RBM15: variants seen among roughly 807,000 people sequenced by gnomAD.
RBM15 encodes RNA-binding protein 15.
RBM15 carries 8 observed loss-of-function variants against 62.6 expected under a neutral mutation model. The ratio of observed to expected loss-of-function variants is 0.13; its 90% CI spans 0.07 to 0.23. The LOEUF (loss-of-function observed/expected upper bound fraction) is 0.23. Ranked by LOEUF, RBM15 falls within the 10% of genes least tolerant of loss-of-function variation. The probability of loss-of-function intolerance (pLI) is 1.00; values close to 1 mark genes in which losing one functional copy is unlikely to be tolerated. For synonymous variants in RBM15, 606 were observed against 505.7 expected (o/e 1.20, Z -2.66); for missense variants, 1,144 against 1,286.5 (o/e 0.89, Z 1.69).
chr1:110,342,571 T>G lies in RBM15; in HGVS notation c.2863+303T>G, dbSNP rs74774847. 5 of 283,518 alleles carry G rather than the reference T, an allele frequency of 1.8e-5. No individual in the cohort carries two copies. In the East Asian group the frequency reaches 2.3e-4, roughly 13 times the overall value. 17.6% of individuals were successfully genotyped at this position (283,518 alleles called of 1,614,324 possible). A position where few individuals can be genotyped will look rare whatever the true frequency, so the allele number is the denominator to read the frequency against. On this transcript the variant is annotated intron_variant, in intron 1 of 2. Transcript: ENST00000369784. Reference sequence around the variant, plus strand: ...GTAATTTTTTTTCTCTATTCAGTTGTTTTTTTTTTAATCTTGAGCTTAAAA... The same window carrying G: ...GTAATTTTTTTTCTCTATTCAGTTGGTTTTTTTTTAATCTTGAGCTTAAAA...
In RBM15 at chr1:110,341,487, TCTC is replaced by T; in HGVS notation, c.2083_2085del (p.Leu696del). On this transcript the variant is annotated inframe_deletion, in exon 1 of 3. Coordinates refer to ENST00000369784, the MANE Select transcript of RBM15 (RefSeq NM_022768.5). This position sits in a 1 kb window ranked among gnomAD's most constrained non-coding sequence, Gnocchi z 4.5. ...GCGACAATGATCGATCTTCCCGTCTTCTCTTGGAAAGGCCCTCTCCAATCAGAG... is the reference window on the plus strand; with the variant it reads ...GCGACAATGATCGATCTTCCCGTCTTTTGGAAAGGCCCTCTCCAATCAGAG... 3 of 1,613,980 alleles carry T rather than the reference TCTC, an allele frequency of 1.9e-6. No individual in the cohort carries two copies. Among genetic ancestry groups the T allele is most frequent in the South Asian group, 1.1e-5 (1 of 91,070 alleles).
Position 110,339,946 on chromosome 1 carries a change from C to T in RBM15, c.541C>T (p.Leu181Phe). 6.2e-7 allele frequency: 1 copy of T among 1,614,110 alleles called. No individual in the cohort carries two copies. Among genetic ancestry groups the T allele is most frequent in the Non-Finnish European group, 8.5e-7 (1 of 1,179,968 alleles). Residue 181 changes from leucine (L) to phenylalanine (F), a missense_variant, in exon 1 of 3, where the codon CTT (leucine) becomes TTT (phenylalanine). By Grantham distance (22) the Leu-to-Phe change is conservative. Transcript: ENST00000369784. ...GAAGATAAGCGAGTTGGGGTCCCAGCTTAGTGACGAAGCGGTGGAGGACGG... is the reference window on the plus strand; with the variant it reads ...GAAGATAAGCGAGTTGGGGTCCCAGTTTAGTGACGAAGCGGTGGAGGACGG... Reference protein sequence around the residue: ...TLKISELGSQLSDEAVEDGLF... With the variant: ...TLKISELGSQFSDEAVEDGLF...
Position 110,345,117 on chromosome 1 carries a change from A to G in RBM15, c.2864-422A>G, listed in dbSNP as rs376439937. On this transcript the variant is annotated intron_variant, in intron 1 of 2. Transcript: ENST00000369784. ...AGTGGATAGAGTTTTTCTTTTGAGG[A>G]TTACATCTTAAAATGTCCATCGCCT... Among the ~76,000 whole-genome samples, 14 of 152,176 alleles carry G rather than the reference A, an allele frequency of 9.2e-5. No individual in the cohort carries two copies. The East Asian group carries it at 2.7e-3, about 29-fold the overall frequency.
At chr1:110,345,476 CT>C in intron 1 of RBM15, 62 bp from the exon 2 acceptor site, 1 of 1,174,488 alleles carries the variant, frequency 8.5e-7, no homozygotes, top group Non-Finnish European at 1.3e-6. Context: ...CCTTAATGAC[CT>C]TTTATGTGAA....
rs769504889 is a variant in RBM15, at chr1:110,339,537, A to G, written c.132A>G (p.Thr44=). The part of the protein sequence containing the change: ...LRGDDLRRPA[T]MKGKERSPVK... ...GAGACGACCTCCGACGACCCGCAAC[A>G]ATGAAGGGAAAAGAGCGCTCGCCAG... is the stretch of plus-strand genomic sequence containing the variant. The change falls in exon 1 of 3, where the codon ACA becomes ACG. Residue 44 remains threonine, a synonymous_variant. Coordinates refer to ENST00000369784, the MANE Select transcript of RBM15 (RefSeq NM_022768.5). 1.2e-6 allele frequency: 2 copies of G among 1,603,842 alleles called. No homozygotes were observed. Among genetic ancestry groups the G allele is most frequent in the South Asian group, 1.1e-5 (1 of 90,650 alleles).
At position 110,339,671 on chromosome 1, in the gene RBM15, A is replaced by C; in HGVS notation, c.266A>C (p.Asp89Ala). The part of the protein sequence containing the change: ...GSNGSSSGKT[D>A]SGGGSRRSLH... ...AATGGGAGCAGCAGCGGAAAGACCGATAGCGGCGGTGGGTCGCGGCGGAGT... is the reference window on the plus strand; with the variant it reads ...AATGGGAGCAGCAGCGGAAAGACCGCTAGCGGCGGTGGGTCGCGGCGGAGT... Residue 89 changes from aspartate to alanine, a missense_variant, in exon 1 of 3, where the codon GAT becomes GCT. Asp to Ala is a moderately radical substitution (Grantham distance 126). Transcript: ENST00000369784. 1 of 1,613,118 alleles carries C rather than the reference A, an allele frequency of 6.2e-7. No individual in the cohort carries two copies. The highest frequency in any genetic ancestry group is 1.1e-5 in the South Asian group (1 of 91,076).
Position 110,341,482 on chromosome 1 carries a change from C to G in RBM15, c.2077C>G (p.Arg693Gly). 6.2e-7 allele frequency: 1 copy of G among 1,614,088 alleles called. No individual in the cohort carries two copies. ...RYNSDNDRSS[R>G]LLLERPSPIR... Reference sequence around the variant, plus strand: ...CAACAGCGACAATGATCGATCTTCCCGTCTTCTCTTGGAAAGGCCCTCTCC... The same window carrying G: ...CAACAGCGACAATGATCGATCTTCCGGTCTTCTCTTGGAAAGGCCCTCTCC... The change falls in exon 1 of 3, where the codon CGT becomes GGT. Residue 693 changes from arginine (R) to glycine (G), a missense_variant. Coordinates refer to ENST00000369784, the MANE Select transcript of RBM15 (RefSeq NM_022768.5). This position sits in a 1 kb window ranked among gnomAD's most constrained non-coding sequence, Gnocchi z 4.5.
In RBM15 at chr1:110,346,619, G is replaced by T; in HGVS notation, c.*352G>T. 1 of 457,584 alleles carries T rather than the reference G, an allele frequency of 2.2e-6. No homozygotes were observed. The highest frequency in any genetic ancestry group is 3.9e-6 in the Non-Finnish European group (1 of 258,734). The allele number at this position is 457,584 out of a possible 1,614,324, so 28.3% of individuals were successfully genotyped here. On this transcript the variant is annotated 3_prime_UTR_variant, in exon 3 of 3. Coordinates refer to ENST00000369784, the MANE Select transcript of RBM15 (RefSeq NM_022768.5). Reference sequence around the variant, plus strand: ...TTAAGAGTAGCTGTCTCTCAAACGTGCGCTCACAGTTGAGCTGCTTTTGTT... The same window carrying T: ...TTAAGAGTAGCTGTCTCTCAAACGTTCGCTCACAGTTGAGCTGCTTTTGTT...
intron 2 of RBM15, among the ~76,000 whole-genome samples, 176 bp from the exon 3 acceptor site, chr1:110,346,132 A>G (rs2100943431): frequency 6.6e-6 from 1 of 152,270 alleles, no homozygotes; most frequent in Admixed American, 6.5e-5. Context: ...CATACAGTAA[A>G]TTCATTTCAA....
At chr1:110,344,866 T>C (rs1374350649) in intron 1 of RBM15, among the ~76,000 whole-genome samples, 2 of 152,186 alleles carry the variant, frequency 1.3e-5, no homozygotes, top group African/African-American at 4.8e-5. Flanking sequence ...TTAAAATGAA[T>C]GGAAAGAAAA....
chr1:110,346,598 GAGT>G lies in RBM15; in HGVS notation c.*334_*336del. ...CCTTTTTATGGCTCACACAGCTTAAGAGTAGCTGTCTCTCAAACGTGCGCTCAC... is the reference window on the plus strand; with the variant it reads ...CCTTTTTATGGCTCACACAGCTTAAGAGCTGTCTCTCAAACGTGCGCTCAC... On this transcript the variant is annotated 3_prime_UTR_variant, in exon 3 of 3. Coordinates refer to ENST00000369784, the MANE Select transcript of RBM15 (RefSeq NM_022768.5). The G allele has an allele frequency of 4.1e-6, 2 of 488,414 alleles. No homozygotes were observed. The highest frequency in any genetic ancestry group is 3.7e-5 in the Admixed American group (1 of 27,058). The allele number at this position is 488,414 out of a possible 1,614,324, so 30.3% of individuals were successfully genotyped here.
Position 110,339,748 on chromosome 1 carries a change from G to A in RBM15, c.343G>A (p.Gly115Ser), listed in dbSNP as rs1476184794. ...AGGTGGCAGCCGCGAGTATGATACC[G>A]GTGGGGGCAGCTCCAGTAGCCGCTT... ...SRGGSREYDT[G>S]GGSSSSRLHS... is the part of the protein sequence containing the mutation. Residue 115 changes from glycine (G) to serine (S), a missense_variant, in exon 1 of 3, where the codon GGT becomes AGT. Physicochemically the swap from Gly to Ser is moderately conservative, Grantham distance 56. Around this residue, in one of 8 missense-constraint regions of RBM15, gnomAD observed 298 missense variants for 250.0 expected, o/e 1.19. Coordinates refer to ENST00000369784, the MANE Select transcript of RBM15 (RefSeq NM_022768.5). The A allele has an allele frequency of 6.2e-7, 1 of 1,612,058 alleles. No individual in the cohort carries two copies. Among genetic ancestry groups the A allele is most frequent in the African/African-American group, 1.3e-5 (1 of 74,912 alleles).
Position 110,341,436 on chromosome 1 carries a change from G to A in RBM15, c.2031G>A (p.Leu677=). ...CTTCTCCTGACCGCAGTCCAGAATT[G>A]AGCAGTAGCCGGGATCGTTACAACA... ...CAPSPDRSPE[L]SSSRDRYNSD... The change falls in exon 1 of 3, where the codon TTG becomes TTA. Residue 677 remains leucine (L), a synonymous_variant. Coordinates refer to ENST00000369784, the MANE Select transcript of RBM15 (RefSeq NM_022768.5). This position sits in a 1 kb window ranked among gnomAD's most constrained non-coding sequence, Gnocchi z 4.5. 1.2e-6 allele frequency: 2 copies of A among 1,614,152 alleles called. No homozygotes were observed. Among genetic ancestry groups the A allele is most frequent in the Non-Finnish European group, 1.7e-6 (2 of 1,180,032 alleles).
intron 2 of RBM15, 90 bp from the exon 3 acceptor site, chr1:110,346,218 G>C (rs1446142435): frequency 8.2e-6 from 11 of 1,342,804 alleles, no homozygotes; most frequent in Non-Finnish European, 1.0e-5. Flanking sequence ...TTAATGTTAT[G>C]TTCATCTATA....
At chr1:110,346,190 C>T in intron 2 of RBM15, 118 bp from the exon 3 acceptor site, 1 of 993,454 alleles carries the variant, frequency 1.0e-6, no homozygotes, top group Non-Finnish European at 1.5e-6. Flanking sequence ...TTGAGGTGAA[C>T]CATCCAGGAA....
intron 2 of RBM15, among the ~76,000 whole-genome samples, chr1:110,346,059 G>A (rs1660891870): frequency 6.6e-6 from 1 of 151,874 alleles, no homozygotes; most frequent in South Asian, 2.1e-4. Context: ...TTTCAGTCCT[G>A]TTATCTTCAA....
Position 110,340,191 on chromosome 1 carries a change from C to CAAA in RBM15, c.787_789dup (p.Lys263dup). ...GGCGCCGCAGCCGCTCCCCTTTAGACAAAGATACTTATCCTCCATCAGCCA... is the reference window on the plus strand; with the variant it reads ...GGCGCCGCAGCCGCTCCCCTTTAGACAAAAAAGATACTTATCCTCCATCAGCCA... On this transcript the variant is annotated inframe_insertion, in exon 1 of 3. Transcript: ENST00000369784. This position sits in a 1 kb window ranked among gnomAD's most constrained non-coding sequence, Gnocchi z 5.8. 6.2e-7 allele frequency: 1 copy of CAAA among 1,614,152 alleles called. No individual in the cohort carries two copies. The highest frequency in any genetic ancestry group is 8.5e-7 in the Non-Finnish European group (1 of 1,179,980).
At position 110,340,013 on chromosome 1, in the gene RBM15, A is replaced by C. The variant is rs1407812284; in HGVS notation, c.608A>C (p.Lys203Thr). ...EFKRFGDVSV[K>T]ISHLSGSGSG... ...AAACGCTTCGGTGATGTAAGTGTGA[A>C]AATCAGTCATCTGTCGGGTTCTGGC... The change falls in exon 1 of 3, where the codon AAA (lysine) becomes ACA (threonine). Residue 203 changes from lysine (K) to threonine (T), a missense_variant. By Grantham distance (78) the Lys-to-Thr change is moderately conservative. Coordinates refer to ENST00000369784, the MANE Select transcript of RBM15 (RefSeq NM_022768.5). The surrounding 1 kb of genome is among the most constrained non-coding windows in gnomAD (Gnocchi z 5.8). 1.9e-6 allele frequency: 3 copies of C among 1,614,104 alleles called. No individual in the cohort carries two copies. The highest frequency in any genetic ancestry group is 2.5e-6 in the Non-Finnish European group (3 of 1,180,032).
At chr1:110,342,675 A>T (rs967828678) in intron 1 of RBM15, 1 of 182,420 alleles carries the variant, frequency 5.5e-6, no homozygotes, top group African/African-American at 2.3e-5. Flanking sequence ...TAAAGAGAGT[A>T]ATAGCCACCT....
Sources: allele counts gnomAD v4.1 joint callset (sites outside exome capture counted in the v4.1 genomes callset), GRCh38; gene constraint gnomAD v4.1.1; regional missense constraint gnomAD v4.1.1; non-coding constraint Gnocchi (gnomAD v3.1); transcripts MANE v1.5; gene names NCBI Gene and HGNC (gene_info 2026-07-23, HGNC 2026-07-21).